MYT1L: variants seen among roughly 807,000 people sequenced by gnomAD.
MYT1L encodes myelin transcription factor 1 like, also known as myelin transcription factor 1-like protein.
MYT1L carries 12 observed loss-of-function variants against 126.7 expected under a neutral mutation model. The observed-to-expected ratio is 0.09, with a 90% CI of 0.06 to 0.15. The LOEUF (loss-of-function observed/expected upper bound fraction) is 0.15, where lower values mean the gene tolerates loss of function less well. Among genes scored for constraint, MYT1L ranks in the 10% least tolerant of loss-of-function variants. The pLI is 1.00. For synonymous variants in MYT1L, 541 were observed against 604.2 expected (o/e 0.90, Z 1.53); for missense variants, 979 against 1,585.2 (o/e 0.62, Z 6.49).
intron 14 of MYT1L, among the ~76,000 whole-genome samples, chr2:1,899,285 C>A (rs577538806): frequency 5.9e-5 from 9 of 152,382 alleles, no homozygotes; most frequent in African/African-American, 2.2e-4. Context: ...GCCCTGAGGG[C>A]AGCCAGGTGC....
At chr2:2,283,195 CA>C (rs1233656563) in intron 2 of MYT1L, among the ~76,000 whole-genome samples, 1 of 152,204 alleles carries the variant, frequency 6.6e-6, no homozygotes, top group African/African-American at 2.4e-5. Flanking sequence ...TGAAGACTGT[CA>C]AAGAAATCAG....
rs35504592 is a variant in MYT1L, at chr2:1,848,450, C to A, written c.2774+3191G>T. Among the ~76,000 whole-genome samples the A allele has an allele frequency of 6.6e-6, 1 of 151,886 alleles. No individual in the cohort carries two copies. Among genetic ancestry groups the A allele is most frequent in the South Asian group, 2.1e-4 (1 of 4,802 alleles). On this transcript the variant is annotated intron_variant, in intron 19 of 24. Transcript: ENST00000647738. The surrounding 1 kb of genome is among the most constrained non-coding windows in gnomAD (Gnocchi z 4.8). ...CAGGATCATTGTTTGGTGACTTCCC[C>A]TCTCACAACAGCCCACAGTACAGGA... is the stretch of plus-strand genomic sequence containing the variant.
chr2:2,011,910 C>A (rs1339171826), intron 4 of MYT1L, among the ~76,000 whole-genome samples: 2 of 152,168 alleles, frequency 1.3e-5, no homozygotes, highest in African/African-American at 4.8e-5. Flanking sequence ...ATGCAGACAG[C>A]CCTCATTGCA....
Position 1,806,621 on chromosome 2 carries a change from T to TA in MYT1L, c.3172+2454dup, listed in dbSNP as rs2035760756. The stretch of plus-strand genomic sequence containing the variant: ...TGTGTGCAGCAGTAATAGGAATGTC[T>TA]AGTGCCCTCAATGCCGACTCAGGCC... On this transcript the variant is annotated intron_variant, in intron 22 of 24. Transcript: ENST00000647738. This position sits in a 1 kb window ranked among gnomAD's most constrained non-coding sequence, Gnocchi z 4.9. Among the ~76,000 whole-genome samples the TA allele has an allele frequency of 6.6e-6, 1 of 152,176 alleles. No individual in the cohort carries two copies. Among genetic ancestry groups the TA allele is most frequent in the Admixed American group, 6.5e-5 (1 of 15,282 alleles).
chr2:1,922,853 T>C lies in MYT1L; in HGVS notation c.916A>G (p.Met306Val), dbSNP rs2053744734. Residue 306 changes from methionine (M) to valine (V), a missense_variant, in exon 10 of 25, where the codon ATG becomes GTG. Met to Val is a conservative substitution (Grantham distance 21, BLOSUM62 1). Coordinates refer to ENST00000647738, the MANE Select transcript of MYT1L (RefSeq NM_001303052.2). The surrounding 1 kb of genome is among the most constrained non-coding windows in gnomAD (Gnocchi z 7.4). ...ATCTTTTCCATGAGTCCGTTGTTCA[T>C]GGGCTTCCCCAACATGACGTAATTC... is the stretch of plus-strand genomic sequence containing the variant. ...NMNYVMLGKP[M>V]NNGLMEKMVE... 2 of 1,614,026 alleles carry C rather than the reference T, an allele frequency of 1.2e-6. No individual in the cohort carries two copies. Among genetic ancestry groups the C allele is most frequent in the Middle Eastern group, 1.6e-4 (1 of 6,062 alleles).
Position 1,887,374 on chromosome 2 carries a change from G to T in MYT1L, c.2642+114C>A. ...ACCCAGCAGTCGGAAACATTTATAT[G>T]CTGCGAATGTCGCATGCTCAAACGG... On this transcript the variant is annotated intron_variant, in intron 17 of 24. Coordinates refer to ENST00000647738, the MANE Select transcript of MYT1L (RefSeq NM_001303052.2). This position sits in a 1 kb window ranked among gnomAD's most constrained non-coding sequence, Gnocchi z 4.8. 7.3e-7 allele frequency: 1 copy of T among 1,373,992 alleles called. No homozygotes were observed. The allele number at this position is 1,373,992 out of a possible 1,614,324, so 85.1% of individuals were successfully genotyped here. A position where few individuals can be genotyped will look rare whatever the true frequency, so the allele number is the denominator to read the frequency against.
chr2:1,849,638 G>A (rs1047584929), intron 19 of MYT1L, among the ~76,000 whole-genome samples: 3 of 152,228 alleles, frequency 2.0e-5, no homozygotes, highest in African/African-American at 7.2e-5. Context: ...CGGCCCCCAC[G>A]GCAAACAGCC....
intron 3 of MYT1L, among the ~76,000 whole-genome samples, chr2:2,143,730 C>T (rs1172689368): frequency 6.6e-6 from 1 of 152,036 alleles, no homozygotes; most frequent in African/African-American, 2.4e-5. Flanking sequence ...GCTTACTCTA[C>T]ACAAACTTGG....
intron 4 of MYT1L, among the ~76,000 whole-genome samples, chr2:2,018,632 G>A (rs1022521873): frequency 6.6e-6 from 1 of 152,204 alleles, no homozygotes; most frequent in Non-Finnish European, 1.5e-5. Flanking sequence ...GCAAAGCAAT[G>A]CAAAGTTGAG....
intron 4 of MYT1L, among the ~76,000 whole-genome samples, chr2:2,040,760 ATTAT>A (rs1373215562): frequency 6.6e-6 from 1 of 152,136 alleles, no homozygotes; most frequent in Non-Finnish European, 1.5e-5. Context: ...TTTGGGGGTA[ATTAT>A]TTAAAAGTTT....
At chr2:1,970,487 T>C (rs1451589386) in intron 8 of MYT1L, among the ~76,000 whole-genome samples, 1 of 149,844 alleles carries the variant, frequency 6.7e-6, no homozygotes, top group African/African-American at 2.5e-5. Context: ...CACCCCTGAG[T>C]AGTTGCAATG....
intron 4 of MYT1L, among the ~76,000 whole-genome samples, chr2:2,043,190 G>A (rs914857548): frequency 6.6e-6 from 1 of 152,116 alleles, no homozygotes; most frequent in Non-Finnish European, 1.5e-5. Context: ...ATGCCCTGTG[G>A]ATGATTCCTC....
chr2:2,105,205 C>T (rs768558457), intron 3 of MYT1L, among the ~76,000 whole-genome samples: 4 of 152,112 alleles, frequency 2.6e-5, no homozygotes, highest in Non-Finnish European at 4.4e-5. Flanking sequence ...GTAAGTGTTT[C>T]GGCCTAGAAT....
chr2:2,157,659 G>A (rs2086947530), intron 3 of MYT1L, among the ~76,000 whole-genome samples: 2 of 152,144 alleles, frequency 1.3e-5, no homozygotes, highest in South Asian at 4.2e-4. Flanking sequence ...CACGCCTCCT[G>A]GGCCTTCCAC....
intron 2 of MYT1L, among the ~76,000 whole-genome samples, chr2:2,189,292 C>T (rs958902696): frequency 2.0e-5 from 3 of 152,188 alleles, no homozygotes; most frequent in South Asian, 2.1e-4. Context: ...AAATGGGGTT[C>T]GTGAGCCTGT....
At chr2:2,103,498 C>T (rs1184709368) in intron 3 of MYT1L, among the ~76,000 whole-genome samples, 7 of 152,242 alleles carry the variant, frequency 4.6e-5, no homozygotes, top group Non-Finnish European at 1.0e-4. Flanking sequence ...GGCCATTCAA[C>T]AACAGCTTGG....
chr2:2,315,314 A>ATTGTCGGC (rs4006646), intron 1 of MYT1L, among the ~76,000 whole-genome samples: 32,159 of 151,932 alleles, frequency 0.21, 3,708 homozygotes, highest in South Asian at 0.28. Context: ...ATTGAAAATC[A>ATTGTCGGC]TTGTCGGCAG....
rs187557556 is a variant in MYT1L, at chr2:2,107,478, A to G, written c.-303-53355T>C. On this transcript the variant is annotated intron_variant, in intron 3 of 24. Coordinates refer to ENST00000647738, the MANE Select transcript of MYT1L (RefSeq NM_001303052.2). The stretch of plus-strand genomic sequence containing the variant: ...AGCTCTCTGACGCATTACAGAAAGC[A>G]TTTGCGGGACTCTGGTAAAGAGCTA... Among the ~76,000 whole-genome samples, 570 of 152,356 alleles carry G rather than the reference A, an allele frequency of 3.7e-3. 3 individuals carry two copies. The highest frequency in any genetic ancestry group is 0.015 in the South Asian group (71 of 4,830).
intron 17 of MYT1L, 76 bp from the exon 18 acceptor site, chr2:1,886,683 C>T (rs750379108): frequency 8.0e-5 from 84 of 1,051,020 alleles, no homozygotes; most frequent in Non-Finnish European, 1.0e-4. Flanking sequence ...ACATAAAAAC[C>T]GAAATTAAAG....
Sources: allele counts gnomAD v4.1 joint callset (sites outside exome capture counted in the v4.1 genomes callset), GRCh38; gene constraint gnomAD v4.1.1; non-coding constraint Gnocchi (gnomAD v3.1); transcripts MANE v1.5; gene names NCBI Gene and HGNC (gene_info 2026-07-23, HGNC 2026-07-21).